The following MGAT5 variants were observed in gnomAD, a reference collection of about 807,000 sequenced individuals.
The protein encoded by MGAT5 is alpha-1,6-mannosylglycoprotein 6-beta-N-acetylglucosaminyltransferase A.
Under a neutral mutation model 94.3 loss-of-function variants are expected in MGAT5, and 30 were observed. The ratio of observed to expected loss-of-function variants is 0.32; its 90% CI spans 0.24 to 0.43. MGAT5 has a LOEUF of 0.43. MGAT5 is among the 20% of genes least tolerant of loss of function. The pLI is 1.00. For missense variants in MGAT5, 691 were observed against 905.5 expected (o/e 0.76, Z 3.04); for synonymous variants, 310 against 322.9 (o/e 0.96, Z 0.43).
intron 9 of MGAT5, 101 bp from the exon 10 acceptor site, chr2:134,362,174 A>G (rs565957746): frequency 7.0e-7 from 1 of 1,422,058 alleles, no homozygotes; most frequent in African/African-American, 1.4e-5. Context: ...GATGAAAACA[A>G]ACATTTTGTT....
At chr2:134,344,829 A>AT in intron 7 of MGAT5, 101 bp from the exon 8 acceptor site, 2 of 1,416,104 alleles carry the variant, frequency 1.4e-6, no homozygotes, top group South Asian at 1.3e-5. Flanking sequence ...TCTAAAAAGG[A>AT]TTTTTGGGGT....
rs1352424881 is a variant in MGAT5 at position 134,341,701 on chromosome 2, T to C, written c.919T>C (p.Ser307Pro). ...AGTTCAATGGAGTGATTTAATTACA[T>C]CTCTGTACTTACTGGGCCATGACAT... ...ELVQWSDLIT[S>P]LYLLGHDIRI... is the part of the protein sequence containing the mutation. Residue 307 changes from serine to proline, a missense_variant, in exon 7 of 16, where the codon TCT becomes CCT. Physicochemically the swap from Ser to Pro is moderately conservative, Grantham distance 74. Around this residue, in one of 4 missense-constraint regions of MGAT5, gnomAD observed 121 missense variants for 206.1 expected, o/e 0.59. Transcript: ENST00000281923. 7 of 1,613,426 alleles carry C rather than the reference T, an allele frequency of 4.3e-6. No homozygotes were observed. Among genetic ancestry groups the C allele is most frequent in the Non-Finnish European group, 5.9e-6 (7 of 1,179,666 alleles).
intron 4 of MGAT5, among the ~76,000 whole-genome samples, chr2:134,329,648 G>A (rs74907354): frequency 0.045 from 6,848 of 152,074 alleles, 225 homozygotes; most frequent in Non-Finnish European, 0.068. Flanking sequence ...GTGCTTCGGC[G>A]TCTTCATCTA....
intron 1 of MGAT5, among the ~76,000 whole-genome samples, chr2:134,130,614 G>C (rs1037031003): frequency 6.6e-6 from 1 of 152,164 alleles, no homozygotes; most frequent in Admixed American, 6.5e-5. Flanking sequence ...GGGACTTGGA[G>C]AACTTTTATG....
chr2:134,354,242 T>C lies in MGAT5; in HGVS notation c.1246+4304T>C, dbSNP rs533537119. ...TACTGAGGATGTACTCAGGTTCCTG[T>C]GTGCTTAGATTGTGTTCTACTGATG... On this transcript the variant is annotated intron_variant, in intron 9 of 15. Coordinates refer to ENST00000281923, the MANE Select transcript of MGAT5 (RefSeq NM_002410.5). Among the ~76,000 whole-genome samples the C allele has an allele frequency of 3.4e-4, 52 of 152,330 alleles. No homozygotes were observed. In the South Asian group the frequency reaches 0.011, roughly 32 times the overall value.
chr2:134,164,183 C>T (rs1454657530), intron 1 of MGAT5, among the ~76,000 whole-genome samples: 3 of 152,152 alleles, frequency 2.0e-5, no homozygotes, highest in Non-Finnish European at 2.9e-5. Flanking sequence ...GCTTTTAATT[C>T]CTGAAAATCT....
intron 2 of MGAT5, among the ~76,000 whole-genome samples, chr2:134,285,058 C>A (rs963363628): frequency 6.6e-6 from 1 of 151,780 alleles, no homozygotes; most frequent in African/African-American, 2.4e-5. Flanking sequence ...TCTTCTTTAC[C>A]GTTATATATT....
chr2:134,250,259 C>T (rs1283189465), upstream of MGAT5, among the ~76,000 whole-genome samples: 2 of 152,162 alleles, frequency 1.3e-5, no homozygotes, highest in Non-Finnish European at 1.5e-5. Flanking sequence ...GATGAAGTCA[C>T]GGCCATGAGC....
intron 1 of MGAT5, among the ~76,000 whole-genome samples, chr2:134,153,438 T>A (rs1687321217): frequency 6.6e-6 from 1 of 152,220 alleles, no homozygotes; most frequent in Non-Finnish European, 1.5e-5. Context: ...TACCTCAGGC[T>A]GCCTGTCATT....
chr2:134,444,416 A>G (rs1385687322), intron 15 of MGAT5, among the ~76,000 whole-genome samples: 1 of 152,218 alleles, frequency 6.6e-6, no homozygotes, highest in Non-Finnish European at 1.5e-5. Context: ...GGAGGCTAGA[A>G]TGAATGCTAA....
chr2:134,327,405 G>C (rs1331985735), intron 4 of MGAT5, among the ~76,000 whole-genome samples: 1 of 151,926 alleles, frequency 6.6e-6, no homozygotes, highest in Non-Finnish European at 1.5e-5. Flanking sequence ...CTTGAGCTTT[G>C]GGGCTGCTAT....
chr2:134,215,371 T>G (rs769508382), intron 1 of MGAT5, among the ~76,000 whole-genome samples: 27 of 150,236 alleles, frequency 1.8e-4, no homozygotes, highest in Admixed American at 5.3e-4. Context: ...GGTTTGTTTG[T>G]TTTTTTAGCT....
At chr2:134,285,210 G>GA (rs959423919) in intron 2 of MGAT5, among the ~76,000 whole-genome samples, 3 of 151,030 alleles carry the variant, frequency 2.0e-5, no homozygotes, top group Non-Finnish European at 4.4e-5. Context: ...AAAGAATAAG[G>GA]AAAAAAAAGT....
chr2:134,352,224 G>T (rs750708491), intron 9 of MGAT5, among the ~76,000 whole-genome samples: 7 of 152,114 alleles, frequency 4.6e-5, no homozygotes, highest in Admixed American at 1.3e-4. Context: ...AAGATAATGA[G>T]CAAAATCAAG....
At chr2:134,420,419 G>A (rs1003458179) in intron 12 of MGAT5, among the ~76,000 whole-genome samples, 1 of 152,218 alleles carries the variant, frequency 6.6e-6, no homozygotes, top group African/African-American at 2.4e-5. Flanking sequence ...GCGGGAAACT[G>A]AAGAGACTGA....
Position 134,450,826 on chromosome 2 carries a change from G to GTGTGTA in MGAT5, c.*1982_*1987dup, listed in dbSNP as rs1197425412. ...TGTGTGTGTGTGTGTGTGTGTGTGTGTGTGTATGAGCCTGTGCATTTCTTT... is the reference window on the plus strand; with the variant it reads ...TGTGTGTGTGTGTGTGTGTGTGTGTGTGTGTATGTGTATGAGCCTGTGCATTTCTTT... On this transcript the variant is annotated 3_prime_UTR_variant, in exon 16 of 16. Coordinates refer to ENST00000281923, the MANE Select transcript of MGAT5 (RefSeq NM_002410.5). The GTGTGTA allele has an allele frequency of 7.4e-6, 1 of 135,610 alleles. No individual in the cohort carries two copies. Among genetic ancestry groups the GTGTGTA allele is most frequent in the Non-Finnish European group, 1.6e-5 (1 of 63,936 alleles). The allele number at this position is 135,610 out of a possible 1,614,324, so 8.4% of individuals were successfully genotyped here.
chr2:134,386,625 A>C (rs1014415358), intron 10 of MGAT5, among the ~76,000 whole-genome samples: 1 of 152,224 alleles, frequency 6.6e-6, no homozygotes, highest in Non-Finnish European at 1.5e-5. Flanking sequence ...AGGAGGCAAA[A>C]GCAAGAAGTG....
At chr2:134,308,066 T>C (rs1474073963) in intron 2 of MGAT5, among the ~76,000 whole-genome samples, 2 of 152,192 alleles carry the variant, frequency 1.3e-5, no homozygotes, top group Non-Finnish European at 2.9e-5. Context: ...CAGTGTCTTC[T>C]GTAGTAGAAT....
intron 9 of MGAT5, among the ~76,000 whole-genome samples, chr2:134,355,596 T>A (rs1353190248): frequency 6.6e-6 from 1 of 152,240 alleles, no homozygotes; most frequent in Non-Finnish European, 1.5e-5. Context: ...TCAAACAAGG[T>A]GCATTATATC....
Sources: gnomAD v4.1 joint callset for allele counts (sites outside exome capture counted in the v4.1 genomes callset) on GRCh38, gnomAD v4.1.1 for gene constraint, gnomAD v4.1.1 regional missense constraint, MANE v1.5 for transcripts, NCBI Gene and HGNC (gene_info 2026-07-23, HGNC 2026-07-21) for gene names.